CD79A: variants seen among roughly 807,000 people sequenced by gnomAD.
CD79A encodes B-cell antigen receptor complex-associated protein alpha chain.
Under a neutral mutation model 27.4 loss-of-function variants are expected in CD79A, and 16 were observed. The observed-to-expected ratio is 0.58, with a 90% CI of 0.40 to 0.89. The LOEUF is 0.89. Among genes scored for constraint, CD79A ranks in the 40% least tolerant of loss-of-function variants. The pLI is 0.00. For synonymous variants in CD79A, 110 were observed against 132.7 expected, an observed-to-expected ratio of 0.83 and a Z score of 1.18; for missense variants, 237 against 299.7, an observed-to-expected ratio of 0.79 and a Z score of 1.55.
Position 41,877,386 on chromosome 19 carries a change from A to T in CD79A, c.79+3A>T, listed in dbSNP as rs782456859. On this transcript the variant is annotated splice_donor_region_variant and intron_variant, in intron 1 of 4. Transcript: ENST00000221972. This position sits in a 1 kb window ranked among gnomAD's most constrained non-coding sequence, Gnocchi z 4.1. ...CCTGCTGTCTGCTGTCTACCTGGGTATGTGGCCAAAGGGCAGGAACTGGCG... is the reference window on the plus strand; with the variant it reads ...CCTGCTGTCTGCTGTCTACCTGGGTTTGTGGCCAAAGGGCAGGAACTGGCG... 2 of 1,613,436 alleles carry T rather than the reference A, an allele frequency of 1.2e-6. No homozygotes were observed. Among genetic ancestry groups the T allele is most frequent in the Non-Finnish European group, 8.5e-7 (1 of 1,179,386 alleles).
At position 41,879,113 on chromosome 19, in the gene CD79A, G is replaced by A. The variant is rs782507150; in HGVS notation, c.203G>A (p.Arg68His). ...SSNNANVTWW[R>H]VLHGNYTWPP... ...AACAACGCCAACGTCACCTGGTGGC[G>A]CGTCCTCCATGGCAACTACACGTGG... The change falls in exon 2 of 5, where the codon CGC becomes CAC. Residue 68 changes from arginine to histidine, a missense_variant. Arg to His is a conservative substitution (Grantham distance 29). Coordinates refer to ENST00000221972, the MANE Select transcript of CD79A (RefSeq NM_001783.4). This position sits in a 1 kb window ranked among gnomAD's most constrained non-coding sequence, Gnocchi z 5.1. The A allele has an allele frequency of 1.5e-5, 24 of 1,613,976 alleles. No homozygotes were observed. The highest frequency in any genetic ancestry group is 1.3e-4 in the African/African-American group (10 of 74,912).
rs782450221 is a variant in CD79A, at chr19:41,877,395, A to G, written c.79+12A>G. 1.2e-6 allele frequency: 2 copies of G among 1,611,220 alleles called. No homozygotes were observed. Among genetic ancestry groups the G allele is most frequent in the Non-Finnish European group, 1.7e-6 (2 of 1,177,426 alleles). On this transcript the variant is annotated intron_variant, in intron 1 of 4. Transcript: ENST00000221972. This position sits in a 1 kb window ranked among gnomAD's most constrained non-coding sequence, Gnocchi z 4.1. ...TGCTGTCTACCTGGGTATGTGGCCA[A>G]AGGGCAGGAACTGGCGGGAGGTGGG...
rs571912483 is a variant in CD79A, at chr19:41,877,464, G to A, written c.79+81G>A. 5.2e-6 allele frequency: 6 copies of A among 1,158,404 alleles called. No individual in the cohort carries two copies. The Admixed American group carries it at 8.5e-5, about 16-fold the overall frequency. 71.8% of individuals were successfully genotyped at this position (1,158,404 alleles called of 1,614,324 possible). A position where few individuals can be genotyped will look rare whatever the true frequency, so the allele number is the denominator to read the frequency against. On this transcript the variant is annotated intron_variant, in intron 1 of 4. Transcript: ENST00000221972. This position sits in a 1 kb window ranked among gnomAD's most constrained non-coding sequence, Gnocchi z 4.1. ...AGAGAGGGCACAGGCAGAGGGAAGG[G>A]GGCTCAGGGAAAGGGGAAGAGGAGG... is the stretch of plus-strand genomic sequence containing the variant.
chr19:41,877,316 T>G lies in CD79A; in HGVS notation c.12T>G (p.Gly4=), dbSNP rs782195967. 28 of 1,613,708 alleles carry G rather than the reference T, an allele frequency of 1.7e-5. No individual in the cohort carries two copies. Among genetic ancestry groups the G allele is most frequent in the Non-Finnish European group, 2.4e-5 (28 of 1,179,754 alleles). ...CCCACTGGGAGAAGATGCCTGGGGG[T>G]CCAGGAGTCCTCCAAGCTCTGCCTG... MPG[G]PGVLQALPAT... The change falls in exon 1 of 5, where the codon GGT becomes GGG. Residue 4 remains glycine (G), a synonymous_variant. Coordinates refer to ENST00000221972, the MANE Select transcript of CD79A (RefSeq NM_001783.4). This position sits in a 1 kb window ranked among gnomAD's most constrained non-coding sequence, Gnocchi z 4.1.
chr19:41,879,675 A>T lies in CD79A; in HGVS notation c.498+22A>T. Reference sequence around the variant, plus strand: ...CAGGGTGAGCCCCCTCGGACCTCTGAGTCAGCCGGGCGAGGGCCTGGGCCG... The same window carrying T: ...CAGGGTGAGCCCCCTCGGACCTCTGTGTCAGCCGGGCGAGGGCCTGGGCCG... On this transcript the variant is annotated intron_variant, in intron 3 of 4. Transcript: ENST00000221972. The surrounding 1 kb of genome is among the most constrained non-coding windows in gnomAD (Gnocchi z 5.1). The T allele has an allele frequency of 6.5e-7, 1 of 1,538,188 alleles. No homozygotes were observed. Among genetic ancestry groups the T allele is most frequent in the Non-Finnish European group, 9.0e-7 (1 of 1,113,492 alleles).
At position 41,877,922 on chromosome 19, in the gene CD79A, G is replaced by A. The variant is rs1403365920; in HGVS notation, c.79+539G>A. Among the ~76,000 whole-genome samples, 1 of 152,140 alleles carries A rather than the reference G, an allele frequency of 6.6e-6. No individual in the cohort carries two copies. Among genetic ancestry groups the A allele is most frequent in the Non-Finnish European group, 1.5e-5 (1 of 68,010 alleles). On this transcript the variant is annotated intron_variant, in intron 1 of 4. Coordinates refer to ENST00000221972, the MANE Select transcript of CD79A (RefSeq NM_001783.4). The surrounding 1 kb of genome is among the most constrained non-coding windows in gnomAD (Gnocchi z 4.1). Reference sequence around the variant, plus strand: ...AGAGAAAAAGGTTCCCCACCCAAGGGGACACTGGGAGCAAGGATTGGAGTT... The same window carrying A: ...AGAGAAAAAGGTTCCCCACCCAAGGAGACACTGGGAGCAAGGATTGGAGTT...
At position 41,877,827 on chromosome 19, in the gene CD79A, T is replaced by A. The variant is rs1182791968; in HGVS notation, c.79+444T>A. ...CTTCTCAGCACTGGGGGAATGGGTG[T>A]CTCATGGACTCCCCCTCACCTGCTC... On this transcript the variant is annotated intron_variant, in intron 1 of 4. Transcript: ENST00000221972. The surrounding 1 kb of genome is among the most constrained non-coding windows in gnomAD (Gnocchi z 4.1). 6.6e-6 allele frequency among the ~76,000 whole-genome samples: 1 copy of A among 152,054 alleles called. No homozygotes were observed. The highest frequency in any genetic ancestry group is 1.5e-5 in the Non-Finnish European group (1 of 67,998).
At position 41,879,551 on chromosome 19, in the gene CD79A, C is replaced by T; in HGVS notation, c.396C>T (p.Pro132=). ...TCCTTGCAGAGCCGCCCCCCAGGCC[C>T]TTCCTGGACATGGGGGAGGGCACCA... ...YLRVRQPPPR[P]FLDMGEGTKN... Residue 132 remains proline, a synonymous_variant, in exon 3 of 5, where the codon CCC becomes CCT. Transcript: ENST00000221972. This position sits in a 1 kb window ranked among gnomAD's most constrained non-coding sequence, Gnocchi z 5.1. The T allele has an allele frequency of 1.2e-6, 2 of 1,609,844 alleles. No homozygotes were observed. The highest frequency in any genetic ancestry group is 1.1e-5 in the South Asian group (1 of 90,516).
Position 41,880,651 on chromosome 19 carries a change from A to G in CD79A, c.499-19A>G. On this transcript the variant is annotated intron_variant, in intron 3 of 4. Coordinates refer to ENST00000221972, the MANE Select transcript of CD79A (RefSeq NM_001783.4). ...CCTCCCCCTGCTCACTGAGGCACCC[A>G]CCCCACCCACCCCTACAGAAACGAT... The G allele has an allele frequency of 9.4e-6, 4 of 424,374 alleles. No individual in the cohort carries two copies. The highest frequency in any genetic ancestry group is 1.3e-5 in the Non-Finnish European group (3 of 224,154). 26.3% of individuals were successfully genotyped at this position (424,374 alleles called of 1,614,324 possible).
chr19:41,879,453 G>C lies in CD79A; in HGVS notation c.380-82G>C, dbSNP rs1555843657. ...AGAGTGGGGTCTCTGGGGGGTCTGG[G>C]GCCTTGCAGGAGGTGGGCGGGGCCA... On this transcript the variant is annotated intron_variant, in intron 2 of 4. Coordinates refer to ENST00000221972, the MANE Select transcript of CD79A (RefSeq NM_001783.4). This position sits in a 1 kb window ranked among gnomAD's most constrained non-coding sequence, Gnocchi z 5.1. 4.0e-6 allele frequency: 5 copies of C among 1,246,442 alleles called. No homozygotes were observed. The highest frequency in any genetic ancestry group is 1.5e-5 in the African/African-American group (1 of 67,852). 77.2% of individuals were successfully genotyped at this position (1,246,442 alleles called of 1,614,324 possible).
In CD79A at chr19:41,877,632, C is replaced by T. The variant is rs2074196687; in HGVS notation, c.79+249C>T. 6.6e-6 allele frequency among the ~76,000 whole-genome samples: 1 copy of T among 152,190 alleles called. No homozygotes were observed. Among genetic ancestry groups the T allele is most frequent in the African/African-American group, 2.4e-5 (1 of 41,434 alleles). On this transcript the variant is annotated intron_variant, in intron 1 of 4. Transcript: ENST00000221972. The surrounding 1 kb of genome is among the most constrained non-coding windows in gnomAD (Gnocchi z 4.1). ...GGAGGCAGGAGCAAGAGTCACCTCC[C>T]CCACCTCCTGTTCCCCACAGGCCAA...
chr19:41,880,643 A>AGGCGGGGGGGG, intron 3 of CD79A, 27 bp from the exon 4 acceptor site: 8 of 1,171,722 alleles, frequency 6.8e-6, no homozygotes, highest in Non-Finnish European at 1.0e-5. Flanking sequence ...CTGCTCACTG[A>AGGCGGGGGGGG]GGCACCCACC....
chr19:41,879,683 G>A lies in CD79A; in HGVS notation c.498+30G>A, dbSNP rs375988736. 2.3e-5 allele frequency: 35 copies of A among 1,490,084 alleles called. No homozygotes were observed. The highest frequency in any genetic ancestry group is 9.0e-5 in the East Asian group (4 of 44,250). 92.3% of individuals were successfully genotyped at this position (1,490,084 alleles called of 1,614,324 possible). A position where few individuals can be genotyped will look rare whatever the true frequency, so the allele number is the denominator to read the frequency against. ...GCCCCCTCGGACCTCTGAGTCAGCC[G>A]GGCGAGGGCCTGGGCCGAGGGACCC... On this transcript the variant is annotated intron_variant, in intron 3 of 4. Coordinates refer to ENST00000221972, the MANE Select transcript of CD79A (RefSeq NM_001783.4). The surrounding 1 kb of genome is among the most constrained non-coding windows in gnomAD (Gnocchi z 5.1).
In CD79A at chr19:41,880,851, C is replaced by T. The variant is rs782742122; in HGVS notation, c.568-16C>T. 3.5e-5 allele frequency: 56 copies of T among 1,582,174 alleles called. No homozygotes were observed. The highest frequency in any genetic ancestry group is 4.4e-5 in the Non-Finnish European group (51 of 1,161,648). On this transcript the variant is annotated splice_polypyrimidine_tract_variant and intron_variant, in intron 4 of 4. Coordinates refer to ENST00000221972, the MANE Select transcript of CD79A (RefSeq NM_001783.4). The stretch of plus-strand genomic sequence containing the variant: ...GTGTCAGGGTGCTGATGTTCGCTGC[C>T]TCATTTCCATCCCAGGGCCTGAACC...
rs2074205803 is a variant in CD79A, at chr19:41,879,144, T to G, written c.234T>G (p.Pro78=). The part of the protein sequence containing the change: ...RVLHGNYTWP[P]EFLGPGEDPN... Reference sequence around the variant, plus strand: ...TCCATGGCAACTACACGTGGCCCCCTGAGTTCTTGGGCCCGGGCGAGGACC... The same window carrying G: ...TCCATGGCAACTACACGTGGCCCCCGGAGTTCTTGGGCCCGGGCGAGGACC... Residue 78 remains proline, a synonymous_variant, in exon 2 of 5, where the codon CCT becomes CCG. Coordinates refer to ENST00000221972, the MANE Select transcript of CD79A (RefSeq NM_001783.4). The surrounding 1 kb of genome is among the most constrained non-coding windows in gnomAD (Gnocchi z 5.1). 1 of 1,613,942 alleles carries G rather than the reference T, an allele frequency of 6.2e-7. No homozygotes were observed. The highest frequency in any genetic ancestry group is 1.3e-5 in the African/African-American group (1 of 74,892).
In CD79A at chr19:41,877,927, C is replaced by A. The variant is rs1464280251; in HGVS notation, c.79+544C>A. 9.2e-5 allele frequency among the ~76,000 whole-genome samples: 14 copies of A among 152,148 alleles called. No homozygotes were observed. Among genetic ancestry groups the A allele is most frequent in the Admixed American group, 9.2e-4 (14 of 15,284 alleles). On this transcript the variant is annotated intron_variant, in intron 1 of 4. Transcript: ENST00000221972. The surrounding 1 kb of genome is among the most constrained non-coding windows in gnomAD (Gnocchi z 4.1). ...AAAAGGTTCCCCACCCAAGGGGACA[C>A]TGGGAGCAAGGATTGGAGTTCACGT...
intron 3 of CD79A, among the ~76,000 whole-genome samples, chr19:41,880,391 A>AAG (rs370824087): frequency 0.04 from 4,898 of 121,510 alleles, 213 homozygotes; most frequent in East Asian, 0.14. Flanking sequence ...GAGAGAGAGA[A>AAG]AGAGAGAGAG....
chr19:41,878,265 G>A lies in CD79A; in HGVS notation c.80-725G>A, dbSNP rs2074200521. 6.6e-6 allele frequency among the ~76,000 whole-genome samples: 1 copy of A among 152,202 alleles called. No homozygotes were observed. Among genetic ancestry groups the A allele is most frequent in the Non-Finnish European group, 1.5e-5 (1 of 68,020 alleles). ...GACACATACAACTTACAGAGAATGAGGGCCAGGCACAGGGTCACAGGCCAG... is the reference window on the plus strand; with the variant it reads ...GACACATACAACTTACAGAGAATGAAGGCCAGGCACAGGGTCACAGGCCAG... On this transcript the variant is annotated intron_variant, in intron 1 of 4. Coordinates refer to ENST00000221972, the MANE Select transcript of CD79A (RefSeq NM_001783.4). This position sits in a 1 kb window ranked among gnomAD's most constrained non-coding sequence, Gnocchi z 4.3.
Position 41,879,684 on chromosome 19 carries a change from G to A in CD79A, c.498+31G>A. On this transcript the variant is annotated intron_variant, in intron 3 of 4. Transcript: ENST00000221972. The surrounding 1 kb of genome is among the most constrained non-coding windows in gnomAD (Gnocchi z 5.1). ...CCCCCTCGGACCTCTGAGTCAGCCG[G>A]GCGAGGGCCTGGGCCGAGGGACCCC... 6.7e-7 allele frequency: 1 copy of A among 1,487,298 alleles called. No homozygotes were observed. The highest frequency in any genetic ancestry group is 9.4e-7 in the Non-Finnish European group (1 of 1,067,870). The allele number at this position is 1,487,298 out of a possible 1,614,324, so 92.1% of individuals were successfully genotyped here. A position where few individuals can be genotyped will look rare whatever the true frequency, so the allele number is the denominator to read the frequency against.
Sources: gnomAD v4.1 joint callset for allele counts (sites outside exome capture counted in the v4.1 genomes callset) on GRCh38, gnomAD v4.1.1 for gene constraint, Gnocchi (gnomAD v3.1) non-coding constraint, MANE v1.5 for transcripts, NCBI Gene and HGNC (gene_info 2026-07-23, HGNC 2026-07-21) for gene names.